PPP2R2C: variants seen among roughly 807,000 people sequenced by gnomAD.
The protein encoded by PPP2R2C is protein phosphatase 2, regulatory subunit B, gamma.
Under a neutral mutation model 45.3 loss-of-function variants are expected in PPP2R2C, and 10 were observed. The ratio of observed to expected loss-of-function variants is 0.22; its 90% CI spans 0.14 to 0.37. The LOEUF is 0.37. PPP2R2C is among the 10% of genes least tolerant of loss of function. The probability of loss-of-function intolerance (pLI) is 1.00; values close to 1 mark genes in which losing one functional copy is unlikely to be tolerated. For synonymous variants in PPP2R2C, 257 were observed against 245.4 expected, an observed-to-expected ratio of 1.05 and a Z score of -0.44; for missense variants, 308 against 619.7, an observed-to-expected ratio of 0.50 and a Z score of 5.34.
intron 1 of PPP2R2C, among the ~76,000 whole-genome samples, chr4:6,426,379 A>T (rs1207680763): frequency 6.6e-6 from 1 of 152,192 alleles, no homozygotes; most frequent in Non-Finnish European, 1.5e-5. Flanking sequence ...CACTTCCTGC[A>T]GCCTACTGTG....
At chr4:6,362,632 G>A (rs1713894806) in intron 5 of PPP2R2C, among the ~76,000 whole-genome samples, 1 of 152,232 alleles carries the variant, frequency 6.6e-6, no homozygotes, top group Admixed American at 6.5e-5. Context: ...TTGGGCAAGG[G>A]AGCCCACCTC....
intron 6 of PPP2R2C, among the ~76,000 whole-genome samples, chr4:6,341,397 C>G (rs1733436352): frequency 6.7e-6 from 1 of 150,358 alleles, no homozygotes; most frequent in African/African-American, 2.4e-5. Flanking sequence ...TTTTAGTTCT[C>G]AAGGCTTCTG....
At chr4:6,503,339 CCCTTGATATT>C in intron 2 of PPP2R2C, among the ~76,000 whole-genome samples, 1 of 152,308 alleles carries the variant, frequency 6.6e-6, no homozygotes, top group South Asian at 2.1e-4. Context: ...ACCCTGGAGT[CCCTTGATATT>C]CCTTCTTAGC....
At chr4:6,380,663 G>A (rs1387218510) in intron 2 of PPP2R2C, among the ~76,000 whole-genome samples, 3 of 152,078 alleles carry the variant, frequency 2.0e-5, no homozygotes, top group Non-Finnish European at 4.4e-5. Flanking sequence ...GCAGCTCTCC[G>A]CAAACATCGG....
Position 6,459,621 on chromosome 4 carries a change from G to T in PPP2R2C, c.70+12539C>A, listed in dbSNP as rs568568358. ...GCCATGGTCAATAAATATAATAAAG[G>T]AAGTTCAATCTCACTGAAAAATGCT... is the stretch of plus-strand genomic sequence containing the variant. On this transcript the variant is annotated intron_variant, in intron 1 of 8. Coordinates refer to ENST00000382599, the MANE Select transcript of PPP2R2C (RefSeq NM_020416.4). Among the ~76,000 whole-genome samples the T allele has an allele frequency of 2.0e-5, 3 of 152,202 alleles. No individual in the cohort carries two copies. In the South Asian group the frequency reaches 6.2e-4, roughly 32 times the overall value.
rs183484292 is a variant in PPP2R2C, at chr4:6,554,767, C to T, written c.-59+8793G>A. ...CCCAGCTACTGAGGAAGCTGAGGCA[C>T]GAGAATCGCTTGAACCCAGGAAGCA... On this transcript the variant is annotated intron_variant, in intron 1 of 9. Coordinates refer to the PPP2R2C transcript ENST00000506140. 4.0e-4 allele frequency among the ~76,000 whole-genome samples: 60 copies of T among 150,230 alleles called. No homozygotes were observed. The East Asian group carries it at 7.3e-3, about 18-fold the overall frequency.
rs185291946 is a variant in PPP2R2C, at chr4:6,481,749, C to T, written c.49+53522G>A. On this transcript the variant is annotated intron_variant, in intron 2 of 9. Transcript: ENST00000506140. ...ATCCCAACACTTTGGGAGGCTGAGGCATGTGGATCACCTGAGGTCAGGAGT... is the reference window on the plus strand; with the variant it reads ...ATCCCAACACTTTGGGAGGCTGAGGTATGTGGATCACCTGAGGTCAGGAGT... 1.1e-4 allele frequency among the ~76,000 whole-genome samples: 17 copies of T among 152,072 alleles called. No homozygotes were observed. The East Asian group carries it at 2.9e-3, about 26-fold the overall frequency.
intron 1 of PPP2R2C, chr4:6,381,685 A>G (rs1225691042): frequency 2.6e-6 from 4 of 1,525,564 alleles, no homozygotes; most frequent in Non-Finnish European, 3.5e-6. Flanking sequence ...AGCGAAGCTC[A>G]GCCCTGCCTG....
At chr4:6,522,466 T>G (rs981421318) in intron 2 of PPP2R2C, among the ~76,000 whole-genome samples, 1 of 152,250 alleles carries the variant, frequency 6.6e-6, no homozygotes, top group Non-Finnish European at 1.5e-5. Context: ...AAGACCCTCA[T>G]GCTTCCCAAG....
In PPP2R2C at chr4:6,368,368, G is replaced by A. The variant is rs965626196; in HGVS notation, c.625+4155C>T. Among the ~76,000 whole-genome samples the A allele has an allele frequency of 1.8e-4, 27 of 152,144 alleles. No individual in the cohort carries two copies. The highest frequency in any genetic ancestry group is 5.3e-4 in the African/African-American group (22 of 41,446). On this transcript the variant is annotated intron_variant, in intron 5 of 8. Transcript: ENST00000382599. This position sits in a 1 kb window ranked among gnomAD's most constrained non-coding sequence, Gnocchi z 4.2. The stretch of plus-strand genomic sequence containing the variant: ...CCCACGGACCACCTGCTCCAATGCC[G>A]GGTATTTTACCAATGGTTTATCACG...
chr4:6,507,466 CTGGGCTACCCTGTAAAGAAGG>C (rs1452461974), intron 2 of PPP2R2C, among the ~76,000 whole-genome samples: 1 of 152,232 alleles, frequency 6.6e-6, no homozygotes, highest in Non-Finnish European at 1.5e-5. Flanking sequence ...TCTGGCAGCC[CTGGGCTACCCTGTAAAGAAGG>C]TGGGCTACCC....
At chr4:6,430,274 T>C (rs1381346510) in intron 1 of PPP2R2C, among the ~76,000 whole-genome samples, 3 of 152,158 alleles carry the variant, frequency 2.0e-5, no homozygotes, top group African/African-American at 7.2e-5. Flanking sequence ...ATGAGCATCA[T>C]GATTTTCCAG....
rs574122200 is a variant in PPP2R2C, at chr4:6,355,662, G to A, written c.626-7652C>T. ...TTCAAAGGAGCCGTCCCCCTGCAGC[G>A]TGTTGAAAGTATTGCTGCTGCGGTA... is the stretch of plus-strand genomic sequence containing the variant. On this transcript the variant is annotated intron_variant, in intron 5 of 8. Coordinates refer to ENST00000382599, the MANE Select transcript of PPP2R2C (RefSeq NM_020416.4). Among the ~76,000 whole-genome samples, 6 of 152,052 alleles carry A rather than the reference G, an allele frequency of 3.9e-5. No homozygotes were observed. The South Asian group carries it at 8.3e-4, about 21-fold the overall frequency.
intron 2 of PPP2R2C, among the ~76,000 whole-genome samples, chr4:6,527,051 T>C (rs892037698): frequency 4.4e-4 from 67 of 152,238 alleles, no homozygotes; most frequent in African/African-American, 1.4e-3. Context: ...CCCAGGCTGG[T>C]GTCGGGAGCT....
At chr4:6,474,082 G>T (rs112753616), upstream of PPP2R2C, among the ~76,000 whole-genome samples, 4 of 152,304 alleles carry the variant, frequency 2.6e-5, no homozygotes, top group African/African-American at 7.2e-5. Context: ...AGGGCCGGAA[G>T]GATGTGCTTG....
Position 6,467,393 on chromosome 4 carries a change from G to A in PPP2R2C, c.70+4767C>T, listed in dbSNP as rs541653903. Among the ~76,000 whole-genome samples the A allele has an allele frequency of 3.9e-5, 6 of 152,234 alleles. No homozygotes were observed. The South Asian group carries it at 1.2e-3, about 32-fold the overall frequency. ...TACTGATCTATTAAGAATAAACTGA[G>A]GCTCAGAGAGACCGTGTGACCTGCC... On this transcript the variant is annotated intron_variant, in intron 1 of 8. Transcript: ENST00000382599.
In PPP2R2C at chr4:6,471,747, G is replaced by A. The variant is rs940651144; in HGVS notation, c.70+413C>T. 3.1e-5 allele frequency: 5 copies of A among 163,108 alleles called. No individual in the cohort carries two copies. Among genetic ancestry groups the A allele is most frequent in the Non-Finnish European group, 6.6e-5 (5 of 75,520 alleles). The allele number at this position is 163,108 out of a possible 1,614,324, so 10.1% of individuals were successfully genotyped here. The stretch of plus-strand genomic sequence containing the variant: ...GAGAGGGCAGCCTAGAAAATTCTGC[G>A]GGCTTTGGGCAGGGCTGAAATGGCA... On this transcript the variant is annotated intron_variant, in intron 1 of 8. Transcript: ENST00000382599. The surrounding 1 kb of genome is among the most constrained non-coding windows in gnomAD (Gnocchi z 5.6).
intron 1 of PPP2R2C, among the ~76,000 whole-genome samples, chr4:6,397,022 G>A (rs558298465): frequency 6.6e-6 from 1 of 152,304 alleles, no homozygotes; most frequent in Non-Finnish European, 1.5e-5. Context: ...TGACTCCCGC[G>A]CACTGATGCG....
intron 5 of PPP2R2C, among the ~76,000 whole-genome samples, chr4:6,360,414 G>A (rs1396920204): frequency 6.6e-6 from 1 of 152,234 alleles, no homozygotes; most frequent in Non-Finnish European, 1.5e-5. Context: ...CCATGAGAAA[G>A]AGGGCTGCAG....
Sources: gnomAD v4.1 joint callset for allele counts (sites outside exome capture counted in the v4.1 genomes callset) on GRCh38, gnomAD v4.1.1 for gene constraint, Gnocchi (gnomAD v3.1) non-coding constraint, MANE v1.5 for transcripts, NCBI Gene and HGNC (gene_info 2026-07-23, HGNC 2026-07-21) for gene names.